Variants in ALOXE3 observed in about 807,000 individuals in gnomAD.
The protein encoded by ALOXE3 is arachidonate epidermal lipoxygenase 3.
In ALOXE3, 78 loss-of-function variants were observed where a neutral mutation model predicts 87.5. The observed-to-expected ratio is 0.89, with a 90% CI of 0.74 to 1.08. The LOEUF (loss-of-function observed/expected upper bound fraction) is 1.08. ALOXE3 is among the 50% of genes least tolerant of loss of function. The pLI is 0.00. For missense variants in ALOXE3, 946 were observed against 912.4 expected (o/e 1.04, Z -0.47); for synonymous variants, 363 against 370.8 (o/e 0.98, Z 0.24).
intron 3 of ALOXE3, 85 bp downstream of exon 3, chr17:8,116,691 C>A (rs1018746483): frequency 6.7e-7 from 1 of 1,482,586 alleles, no homozygotes; most frequent in African/African-American, 1.4e-5. Context: ...ATCTTATTCC[C>A]TATACTCTGG....
chr17:8,114,744 C>T lies in ALOXE3; in HGVS notation c.555-135G>A, dbSNP rs1475007515. ...CCCGGCTCCTCCCCTGCCCTCTCTG[C>T]TCCTGAGCTAAAATAACCTCCTCAC... On this transcript the variant is annotated intron_variant, in intron 5 of 15. Transcript: ENST00000448843. 4 of 1,484,118 alleles carry T rather than the reference C, an allele frequency of 2.7e-6. No individual in the cohort carries two copies. The South Asian group carries it at 4.7e-5, about 17-fold the overall frequency. The allele number at this position is 1,484,118 out of a possible 1,614,324, so 91.9% of individuals were successfully genotyped here.
intron 13 of ALOXE3, 28 bp downstream of exon 13, chr17:8,108,440 C>A (rs1979696333): frequency 6.2e-7 from 1 of 1,610,280 alleles, no homozygotes; most frequent in Non-Finnish European, 8.5e-7. Context: ...ATCAGAGCTA[C>A]ACGGAAAGTG....
rs1415562442 is a variant in ALOXE3, at chr17:8,096,710, C to A, written c.2053G>T (p.Asp685Tyr). ...FQSRLAQISR[D>Y]IQERNQGLAL... ...AGACCCTGGTTCCGCTCCTGGATGT[C>A]CCTTGAGATCTGGGCCAGGCGGCTC... Residue 685 changes from aspartate to tyrosine, a missense_variant, in exon 16 of 16, where the codon GAC (aspartate) becomes TAC (tyrosine). Physicochemically the swap from Asp to Tyr is radical, Grantham distance 160. Coordinates refer to ENST00000448843, the MANE Select transcript of ALOXE3 (RefSeq NM_021628.3). The A allele has an allele frequency of 6.2e-7, 1 of 1,609,942 alleles. No homozygotes were observed. Among genetic ancestry groups the A allele is most frequent in the Non-Finnish European group, 8.5e-7 (1 of 1,176,334 alleles).
Position 8,107,985 on chromosome 17 carries a change from AGAAAGAAAGGAAG to A in ALOXE3, c.1684+470_1684+482del, listed in dbSNP as rs1480761597. Among the ~76,000 whole-genome samples, 9 of 34,906 alleles carry A rather than the reference AGAAAGAAAGGAAG, an allele frequency of 2.6e-4. 2 individuals carry two copies. The highest frequency in any genetic ancestry group is 7.2e-4 in the Admixed American group (3 of 4,144). 22.9% of individuals were successfully genotyped at this position (34,906 alleles called of 152,430 possible). A position where few individuals can be genotyped will look rare whatever the true frequency, so the allele number is the denominator to read the frequency against. On this transcript the variant is annotated intron_variant, in intron 13 of 15. Transcript: ENST00000448843. The stretch of plus-strand genomic sequence containing the variant: ...AGGAAGGAGAGAGAGAGAGAGAGAA[AGAAAGAAAGGAAG>A]GAAAGAAAGAAAGAAAGAAAGAAAG...
rs781305724 is a variant in ALOXE3 at position 8,110,465 on chromosome 17, C to T, written c.1021G>A (p.Gly341Ser). ...GGGGCGGCCACGTACTGCTGGCGGCCGTTTAGGCAGTGGGTGGGGGCCTCC... is the reference window on the plus strand; with the variant it reads ...GGGGCGGCCACGTACTGCTGGCGGCTGTTTAGGCAGTGGGTGGGGGCCTCC... ...LAEAPTHCLNGRQQYVAAPLC... is the reference protein window; with the variant it reads ...LAEAPTHCLNSRQQYVAAPLC... The change falls in exon 9 of 16, where the codon GGC becomes AGC. Residue 341 changes from glycine (G) to serine (S), a missense_variant. Coordinates refer to ENST00000448843, the MANE Select transcript of ALOXE3 (RefSeq NM_021628.3). 5.6e-6 allele frequency: 9 copies of T among 1,613,534 alleles called. No homozygotes were observed. The highest frequency in any genetic ancestry group is 6.8e-6 in the Non-Finnish European group (8 of 1,179,796).
chr17:8,102,025 C>T (rs1978955609), intron 15 of ALOXE3, among the ~76,000 whole-genome samples: 1 of 152,196 alleles, frequency 6.6e-6, no homozygotes, highest in African/African-American at 2.4e-5. Flanking sequence ...TGCAAGACGG[C>T]TGGGTGGAAA....
chr17:8,111,434 G>A lies in ALOXE3; in HGVS notation c.882C>T (p.Pro294=), dbSNP rs773299883. 3 of 1,614,124 alleles carry A rather than the reference G, an allele frequency of 1.9e-6. No homozygotes were observed. Among genetic ancestry groups the A allele is most frequent in the South Asian group, 1.1e-5 (1 of 91,086 alleles). Residue 294 remains proline, a synonymous_variant, in exon 8 of 16, where the codon CCC becomes CCT. Transcript: ENST00000448843. ...PVMLHCISSL[P]SKLPVTNDMV... is the part of the protein sequence containing the mutation. Reference sequence around the variant, plus strand: ...TGTCATTGGTGACAGGCAGCTTGCTGGGCAAGCTAGAGATGCAGTGGAGCA... The same window carrying A: ...TGTCATTGGTGACAGGCAGCTTGCTAGGCAAGCTAGAGATGCAGTGGAGCA...
At chr17:8,116,651 C>T in intron 3 of ALOXE3, 125 bp downstream of exon 3, 1 of 1,169,914 alleles carries the variant, frequency 8.5e-7, no homozygotes, top group Non-Finnish European at 1.2e-6. Flanking sequence ...CAGAAAACAT[C>T]TACTTGGGAG....
Position 8,115,062 on chromosome 17 carries a change from C to G in ALOXE3, c.435-5G>C, listed in dbSNP as rs572002878. On this transcript the variant is annotated splice_polypyrimidine_tract_variant and splice_region_variant and intron_variant, in intron 4 of 15. Coordinates refer to ENST00000448843, the MANE Select transcript of ALOXE3 (RefSeq NM_021628.3). ...CCAGGGGCATAGATCTTCCAGCTTC[C>G]GAGGGAAAGAGGTCAGAGGTGGCAG... 1.9e-6 allele frequency: 3 copies of G among 1,614,112 alleles called. No individual in the cohort carries two copies. The highest frequency in any genetic ancestry group is 2.5e-6 in the Non-Finnish European group (3 of 1,180,014).
intron 6 of ALOXE3, among the ~76,000 whole-genome samples, chr17:8,112,870 C>A (rs912203606): frequency 3.3e-5 from 5 of 152,076 alleles, no homozygotes; most frequent in African/African-American, 9.7e-5. Context: ...TCATAGCTCA[C>A]TGCAGCTTCA....
In ALOXE3 at chr17:8,109,979, G is replaced by A; in HGVS notation, c.1329C>T (p.Tyr443=). ...IYKLLLPHTR[Y]TLQVNTIARA... ...TCGCGATGGTGTTCACCTGCAGCGT[G>A]TATCGAGTGTGGGGGAGTAGGAGCT... The change falls in exon 11 of 16, where the codon TAC becomes TAT. Residue 443 remains tyrosine (Y), a synonymous_variant. Transcript: ENST00000448843. 6.4e-7 allele frequency: 1 copy of A among 1,552,556 alleles called. No individual in the cohort carries two copies. Among genetic ancestry groups the A allele is most frequent in the Non-Finnish European group, 8.7e-7 (1 of 1,147,520 alleles).
At chr17:8,118,458 T>G in intron 1 of ALOXE3, 28 bp downstream of exon 1, 1 of 1,549,868 alleles carries the variant, frequency 6.5e-7, no homozygotes, top group African/African-American at 1.4e-5. Context: ...TTCCTCCCCA[T>G]TCCCAGGCAG....
At position 8,116,875 on chromosome 17, in the gene ALOXE3, T is replaced by C. The variant is rs1434758398; in HGVS notation, c.253A>G (p.Ser85Gly). The C allele has an allele frequency of 1.9e-6, 3 of 1,614,260 alleles. No individual in the cohort carries two copies. Among genetic ancestry groups the C allele is most frequent in the Non-Finnish European group, 2.5e-6 (3 of 1,180,052 alleles). The change falls in exon 3 of 16, where the codon AGC (serine) becomes GGC (glycine). Residue 85 changes from serine (S) to glycine (G), a missense_variant. Transcript: ENST00000448843. The part of the protein sequence containing the change: ...AFFRKDSWYC[S>G]RICVTEPDGS... ...TCCGGTTCGGTGACACAGATGCGGCTACAGTACCAAGAGTCCTTGCGGAAG... is the reference window on the plus strand; with the variant it reads ...TCCGGTTCGGTGACACAGATGCGGCCACAGTACCAAGAGTCCTTGCGGAAG...
chr17:8,108,894 A>T (rs1035510578), intron 12 of ALOXE3, among the ~76,000 whole-genome samples: 2 of 151,950 alleles, frequency 1.3e-5, no homozygotes, highest in Non-Finnish European at 2.9e-5. Context: ...CCTGCCTGCC[A>T]CAGGCCCCAG....
chr17:8,110,212 C>T lies in ALOXE3; in HGVS notation c.1185G>A (p.Val395=), dbSNP rs924038148. 1 of 1,614,124 alleles carries T rather than the reference C, an allele frequency of 6.2e-7. No individual in the cohort carries two copies. Among genetic ancestry groups the T allele is most frequent in the East Asian group, 2.2e-5 (1 of 44,880 alleles). The change falls in exon 10 of 16, where the codon GTG becomes GTA. Residue 395 remains valine (V), a synonymous_variant. Transcript: ENST00000448843. The part of the protein sequence containing the change: ...EWDWLLAKTW[V]RNSEFLVHEN... ...CGTGCACCAGGAACTCAGAGTTGCG[C>T]ACCCACGTCTTGGCCAGCAGCCAGT...
intron 6 of ALOXE3, among the ~76,000 whole-genome samples, chr17:8,113,239 G>A (rs1980258600): frequency 6.6e-6 from 1 of 152,140 alleles, no homozygotes; most frequent in Non-Finnish European, 1.5e-5. Context: ...TGTATTGTAA[G>A]CCCAGTGGAC....
chr17:8,099,022 CTTT>C (rs751705010), intron 15 of ALOXE3, among the ~76,000 whole-genome samples: 1 of 126,730 alleles, frequency 7.9e-6, no homozygotes, highest in Non-Finnish European at 1.6e-5. Flanking sequence ...GGCTAGTTTT[CTTT>C]TTTTTTTTTT....
rs3027222 is a variant in ALOXE3 at position 8,116,297 on chromosome 17, T to G, written c.352+479A>C. On this transcript the variant is annotated intron_variant, in intron 3 of 15. Coordinates refer to ENST00000448843, the MANE Select transcript of ALOXE3 (RefSeq NM_021628.3). ...CAGCATCTGCAGAAGGCCCCAGAAA[T>G]TCAACAAGGAATCCTAGCAGCACCT... Among the ~76,000 whole-genome samples, 387 of 152,250 alleles carry G rather than the reference T, an allele frequency of 2.5e-3. 14 individuals are homozygous for G. The South Asian group carries it at 0.056, about 22-fold the overall frequency.
intron 2 of ALOXE3, 41 bp downstream of exon 2, chr17:8,117,803 G>C: frequency 1.3e-6 from 2 of 1,599,686 alleles, no homozygotes; most frequent in Non-Finnish European, 1.7e-6. Flanking sequence ...TGCGGCCCCT[G>C]CCCCTCTGAG....
Sources: allele counts gnomAD v4.1 joint callset (sites outside exome capture counted in the v4.1 genomes callset), GRCh38; gene constraint gnomAD v4.1.1; transcripts MANE v1.5; gene names NCBI Gene and HGNC (gene_info 2026-07-23, HGNC 2026-07-21).